DCTN6: variants seen among roughly 807,000 people sequenced by gnomAD.
DCTN6 encodes dynactin subunit 6, also known as dynactin 6.
A neutral mutation model predicts 25.8 loss-of-function variants in DCTN6; 15 were observed. The observed-to-expected ratio is 0.58, with a 90% CI of 0.39 to 0.89. DCTN6 has a LOEUF of 0.89. Among genes scored for constraint, DCTN6 ranks in the 40% least tolerant of loss-of-function variants. The pLI is 0.00. For synonymous variants in DCTN6, 64 were observed against 78.3 expected, an observed-to-expected ratio of 0.82 and a Z score of 0.96; for missense variants, 198 against 237.6, an observed-to-expected ratio of 0.83 and a Z score of 1.09.
intron 4 of DCTN6, 146 bp from the exon 5 acceptor site, chr8:30,179,262 C>T (rs909649563): frequency 3.7e-5 from 18 of 491,674 alleles, no homozygotes; most frequent in Non-Finnish European, 6.5e-5. Flanking sequence ...CACAGATTGC[C>T]CAGAGCAAAG....
chr8:30,180,348 A>T, intron 5 of DCTN6, 140 bp from the exon 6 acceptor site: 2 of 1,070,984 alleles, frequency 1.9e-6, no homozygotes, highest in Admixed American at 5.6e-5. Context: ...TGTTGTCCAT[A>T]CAAACTCCAA....
intron 4 of DCTN6, among the ~76,000 whole-genome samples, chr8:30,178,455 C>A (rs1803872239): frequency 1.4e-5 from 2 of 144,858 alleles, no homozygotes; most frequent in Admixed American, 1.4e-4. Context: ...GAGCGAAACT[C>A]CGTCTCAAAA....
Position 30,183,153 on chromosome 8 carries a change from T to C in DCTN6, c.553T>C (p.Ser185Pro), listed in dbSNP as rs769155992. ...HHLKKTMKGSSTPVKN is the reference protein window; with the variant it reads ...HHLKKTMKGSPTPVKN ...CCTAAAGAAGACTATGAAAGGAAGC[T>C]CAACTCCAGTAAAGAACTAAGAACA... Residue 185 changes from serine to proline, a missense_variant, in exon 7 of 7, where the codon TCA becomes CCA. Coordinates refer to ENST00000221114, the MANE Select transcript of DCTN6 (RefSeq NM_006571.4). 1.2e-6 allele frequency: 2 copies of C among 1,613,902 alleles called. No individual in the cohort carries two copies. Among genetic ancestry groups the C allele is most frequent in the South Asian group, 1.1e-5 (1 of 91,072 alleles).
In DCTN6 at chr8:30,180,514, A is replaced by T. The variant is rs531219490; in HGVS notation, c.358A>T (p.Thr120Ser). 1.9e-6 allele frequency: 3 copies of T among 1,613,746 alleles called. No homozygotes were observed. The African/African-American group carries it at 4.0e-5, about 22-fold the overall frequency. ...KAYVGRNVIL[T>S]SGCIIGACCN... ...ATATGTAGGCAGAAATGTAATATTG[A>T]CAAGTGGCTGCATCATTGGGGCTTG... The change falls in exon 6 of 7, where the codon ACA (threonine) becomes TCA (serine). Residue 120 changes from threonine to serine, a missense_variant. Thr to Ser is a moderately conservative substitution (Grantham distance 58). Transcript: ENST00000221114.
At chr8:30,163,377 C>T (rs1803621979) in intron 1 of DCTN6, among the ~76,000 whole-genome samples, 1 of 152,184 alleles carries the variant, frequency 6.6e-6, no homozygotes, top group Non-Finnish European at 1.5e-5. Flanking sequence ...CTTCCTTGGC[C>T]TCCCAGAGTG....
intron 5 of DCTN6, 92 bp downstream of exon 5, chr8:30,179,547 G>A: frequency 8.5e-7 from 1 of 1,173,684 alleles, no homozygotes; most frequent in Admixed American, 2.4e-5. Flanking sequence ...CTGTGGCAAG[G>A]TGTTGTGCTT....
rs369444444 is a variant in DCTN6, at chr8:30,164,181, A to G, written c.88+6A>G. On this transcript the variant is annotated splice_donor_region_variant and intron_variant, in intron 2 of 6. Coordinates refer to ENST00000221114, the MANE Select transcript of DCTN6 (RefSeq NM_006571.4). ...CAGAGGAGATGTAACTATCGGTAAG[A>G]AATAGTTTATTTACTGTTTTTCAAG... 1 of 1,603,252 alleles carries G rather than the reference A, an allele frequency of 6.2e-7. No homozygotes were observed. Among genetic ancestry groups the G allele is most frequent in the East Asian group, 2.2e-5 (1 of 44,818 alleles).
At chr8:30,179,366 AGAT>A in intron 4 of DCTN6, 39 bp from the exon 5 acceptor site, 1 of 1,553,232 alleles carries the variant, frequency 6.4e-7, no homozygotes, top group Non-Finnish European at 8.8e-7. Flanking sequence ...TGGGGACTAA[AGAT>A]GAACATATTT....
At chr8:30,166,209 G>A (rs1803670945) in intron 2 of DCTN6, among the ~76,000 whole-genome samples, 1 of 151,520 alleles carries the variant, frequency 6.6e-6, no homozygotes, top group South Asian at 2.1e-4. Context: ...AATTAATTAT[G>A]TAGATTTTCC....
At chr8:30,173,218 A>G (rs1210467630) in intron 2 of DCTN6, among the ~76,000 whole-genome samples, 3 of 152,222 alleles carry the variant, frequency 2.0e-5, no homozygotes, top group East Asian at 3.9e-4. Flanking sequence ...GCAATTCCTC[A>G]TCAGGAAAAA....
At chr8:30,176,524 A>G (rs1163526963) in intron 3 of DCTN6, 1 of 149,428 alleles carries the variant, frequency 6.7e-6, no homozygotes, top group African/African-American at 2.5e-5. Flanking sequence ...ACACAGCAAG[A>G]CTCCGTCTCA....
intron 2 of DCTN6, among the ~76,000 whole-genome samples, chr8:30,172,100 G>GT (rs1433054125): frequency 1.3e-5 from 2 of 152,184 alleles, no homozygotes. Flanking sequence ...ATTTCAGTTG[G>GT]TTCCCACAGC....
chr8:30,175,515 C>T (rs1343709703), intron 3 of DCTN6, among the ~76,000 whole-genome samples: 5 of 151,848 alleles, frequency 3.3e-5, no homozygotes. Context: ...GCTGTGCCCA[C>T]CACCCTGCAG....
chr8:30,163,387 G>T (rs1206948203), intron 1 of DCTN6, among the ~76,000 whole-genome samples: 2 of 152,142 alleles, frequency 1.3e-5, no homozygotes, highest in South Asian at 2.1e-4. Context: ...CTCCCAGAGT[G>T]CTGGGATTAC....
chr8:30,164,057 C>T, intron 1 of DCTN6, 54 bp from the exon 2 acceptor site: 6 of 1,462,578 alleles, frequency 4.1e-6, no homozygotes, highest in African/African-American at 1.4e-5. Context: ...GGTAGCTCCT[C>T]CAACAGTATG....
At chr8:30,162,682 C>T (rs1434800282) in intron 1 of DCTN6, among the ~76,000 whole-genome samples, 2 of 152,052 alleles carry the variant, frequency 1.3e-5, no homozygotes, top group Admixed American at 1.3e-4. Flanking sequence ...CAAAAGATAA[C>T]AGCAGAATAT....
At chr8:30,167,011 GAGAC>G (rs1371292519) in intron 2 of DCTN6, among the ~76,000 whole-genome samples, 5 of 148,404 alleles carry the variant, frequency 3.4e-5, no homozygotes, top group South Asian at 2.2e-4. Flanking sequence ...GGAAGGAAAA[GAGAC>G]AGAAAGAAGG....
chr8:30,174,428 G>A (rs1056745325), intron 2 of DCTN6, among the ~76,000 whole-genome samples: 1 of 151,462 alleles, frequency 6.6e-6, no homozygotes, highest in African/African-American at 2.4e-5. Context: ...TGCTTCCTGT[G>A]TTCACATGAT....
rs775459280 is a variant in DCTN6, at chr8:30,180,659, C to G, written c.474+29C>G. 1.9e-6 allele frequency: 3 copies of G among 1,609,048 alleles called. No individual in the cohort carries two copies. In the African/African-American group the frequency reaches 4.0e-5, roughly 22 times the overall value. On this transcript the variant is annotated intron_variant, in intron 6 of 6. Transcript: ENST00000221114. ...CTAGAACCTCTCTTTAAAAAGAGTT[C>G]TATCTGCTGATTTTCCCAAAATACA...
Sources: gnomAD v4.1 joint callset for allele counts (sites outside exome capture counted in the v4.1 genomes callset) on GRCh38, gnomAD v4.1.1 for gene constraint, MANE v1.5 for transcripts, NCBI Gene and HGNC (gene_info 2026-07-23, HGNC 2026-07-21) for gene names.